Variants in EYS observed in about 807,000 individuals in gnomAD.
EYS encodes the protein protein eyes shut homolog.
A neutral mutation model predicts 282.1 loss-of-function variants in EYS; 250 were observed. That is an observed-to-expected ratio of 0.89 (90% CI 0.80 to 0.98). The LOEUF is 0.98. EYS is among the 50% of genes least tolerant of loss of function. EYS has a pLI of 0.00. For synonymous variants in EYS, 1,355 were observed against 1,282.9 expected (o/e 1.06, Z -1.20); for missense variants, 4,016 against 3,709.0 (o/e 1.08, Z -2.15).
chr6:63,834,920 G>A (rs1253623603), intron 36 of EYS, among the ~76,000 whole-genome samples: 1 of 151,538 alleles, frequency 6.6e-6, no homozygotes, highest in East Asian at 1.9e-4. Flanking sequence ...GATGAAGCTG[G>A]AAACCATCAT....
chr6:64,104,488 T>C (rs1772939086), intron 31 of EYS, among the ~76,000 whole-genome samples: 1 of 152,094 alleles, frequency 6.6e-6, no homozygotes, highest in Admixed American at 6.6e-5. Flanking sequence ...TCATTTTCTG[T>C]TTTACTGCTT....
At chr6:63,904,315 C>G (rs1773723556) in intron 35 of EYS, among the ~76,000 whole-genome samples, 1 of 152,170 alleles carries the variant, frequency 6.6e-6, no homozygotes, top group African/African-American at 2.4e-5. Context: ...TACATTCTTA[C>G]TTTGACTTAC....
intron 34 of EYS, among the ~76,000 whole-genome samples, chr6:63,997,785 T>C: frequency 6.6e-6 from 1 of 152,210 alleles, no homozygotes; most frequent in East Asian, 1.9e-4. Flanking sequence ...GGATTCTATG[T>C]GTTAAAAATG....
At chr6:65,208,914 C>G (rs900511194) in intron 12 of EYS, among the ~76,000 whole-genome samples, 1 of 151,750 alleles carries the variant, frequency 6.6e-6, no homozygotes, top group Non-Finnish European at 1.5e-5. Context: ...AGTCACAAAC[C>G]TACTCACGTG....
intron 29 of EYS, among the ~76,000 whole-genome samples, chr6:64,315,625 A>G (rs548385609): frequency 3.2e-4 from 48 of 149,066 alleles, no homozygotes; most frequent in African/African-American, 1.2e-3. Flanking sequence ...ATGCAAATCA[A>G]TAAGTGTAAT....
chr6:65,224,607 C>A (rs1582036927), intron 12 of EYS, among the ~76,000 whole-genome samples: 1 of 151,602 alleles, frequency 6.6e-6, no homozygotes, highest in Admixed American at 6.6e-5. Context: ...AGAGAATCAA[C>A]AAAACTAAAA....
At chr6:63,849,783 A>T (rs368690275) in intron 36 of EYS, among the ~76,000 whole-genome samples, 2 of 152,354 alleles carry the variant, frequency 1.3e-5, no homozygotes, top group African/African-American at 4.8e-5. Context: ...CAAAGGATCA[A>T]GACACCTTGT....
chr6:65,622,231 T>C (rs936681543), intron 2 of EYS, among the ~76,000 whole-genome samples: 1 of 151,042 alleles, frequency 6.6e-6, no homozygotes, highest in Admixed American at 6.6e-5. Flanking sequence ...AGGAGAACCT[T>C]TGGAGATGAG....
intron 2 of EYS, among the ~76,000 whole-genome samples, chr6:65,500,023 A>G (rs1487391149): frequency 6.6e-6 from 1 of 151,978 alleles, no homozygotes; most frequent in East Asian, 1.9e-4. Flanking sequence ...GTAAAAAATA[A>G]AAAATAAAAT....
intron 15 of EYS, among the ~76,000 whole-genome samples, chr6:64,919,856 C>T (rs1418147609): frequency 2.0e-5 from 3 of 152,058 alleles, no homozygotes; most frequent in East Asian, 1.9e-4. Flanking sequence ...GAATATTCCT[C>T]GTTTCATAGA....
intron 26 of EYS, among the ~76,000 whole-genome samples, chr6:64,475,188 T>C (rs1372882179): frequency 6.6e-6 from 1 of 152,182 alleles, no homozygotes; most frequent in African/African-American, 2.4e-5. Context: ...TGTGGTATCA[T>C]ACACTGTATT....
chr6:64,427,491 T>C (rs1456042266), intron 28 of EYS, among the ~76,000 whole-genome samples: 1 of 152,106 alleles, frequency 6.6e-6, no homozygotes, highest in African/African-American at 2.4e-5. Flanking sequence ...CTTTGAAACT[T>C]AACTTTCCTA....
chr6:65,458,425 T>G (rs1764708844), intron 5 of EYS, among the ~76,000 whole-genome samples: 1 of 152,070 alleles, frequency 6.6e-6, no homozygotes. Context: ...GTTCCCAGCC[T>G]AACCTCAGGG....
At chr6:64,703,412 T>C (rs7767536) in intron 22 of EYS, among the ~76,000 whole-genome samples, 8,589 of 29,184 alleles carry the variant, frequency 0.29, 808 homozygotes, top group Middle Eastern at 0.48. Flanking sequence ...CACACACACA[T>C]ATATATATAT....
Position 63,816,894 on chromosome 6 carries a change from C to T in EYS, c.7229-10522G>A, listed in dbSNP as rs546350187. 4.9e-4 allele frequency among the ~76,000 whole-genome samples: 74 copies of T among 152,346 alleles called. 1 individual carries two copies. Among genetic ancestry groups the T allele is most frequent in the African/African-American group, 1.8e-3 (73 of 41,578 alleles). On this transcript the variant is annotated intron_variant, in intron 36 of 42. Transcript: ENST00000503581. ...GCATTTTCAAATAACTTCCTTTTAA[C>T]ATAATGCAACAATCCCACATATAAT...
chr6:64,641,764 G>C (rs972325279), intron 22 of EYS, among the ~76,000 whole-genome samples: 1 of 152,262 alleles, frequency 6.6e-6, no homozygotes, highest in Non-Finnish European at 1.5e-5. Context: ...GTTACCTCCT[G>C]AGCTCTGTCT....
At chr6:64,755,353 A>G (rs986346197) in intron 22 of EYS, among the ~76,000 whole-genome samples, 3 of 152,132 alleles carry the variant, frequency 2.0e-5, no homozygotes, top group East Asian at 1.9e-4. Context: ...CCCCAAAGCA[A>G]TCTATAGATT....
rs1002442517 is a variant in EYS at position 63,810,495 on chromosome 6, A to G, written c.7229-4123T>C. On this transcript the variant is annotated intron_variant, in intron 36 of 42. Transcript: ENST00000503581. ...GAAGCCCACCGGCTGGTAGTAAAAC[A>G]TGAGCTACTCTATGGCATAGTGATG... 2.6e-5 allele frequency among the ~76,000 whole-genome samples: 4 copies of G among 152,172 alleles called. 1 individual carries two copies. Among genetic ancestry groups the G allele is most frequent in the Non-Finnish European group, 5.9e-5 (4 of 68,032 alleles).
chr6:64,308,265 C>G (rs1277200769), intron 29 of EYS, among the ~76,000 whole-genome samples: 1 of 151,932 alleles, frequency 6.6e-6, no homozygotes, highest in Admixed American at 6.6e-5. Context: ...AAAATGATAA[C>G]AAAAAGATAC....
Sources: allele counts gnomAD v4.1 joint callset (sites outside exome capture counted in the v4.1 genomes callset), GRCh38; gene constraint gnomAD v4.1.1; transcripts MANE v1.5; gene names NCBI Gene and HGNC (gene_info 2026-07-23, HGNC 2026-07-21).